The following SPATA6 variants were observed in gnomAD, a reference collection of about 807,000 sequenced individuals.
SPATA6 encodes spermatogenesis associated 6.
Under a neutral mutation model 65.3 loss-of-function variants are expected in SPATA6, and 56 were observed. The ratio of observed to expected loss-of-function variants is 0.86; its 90% CI spans 0.69 to 1.07. SPATA6 has a LOEUF of 1.07. Among genes scored for constraint, SPATA6 ranks in the 50% least tolerant of loss-of-function variants. The pLI, the probability that SPATA6 is intolerant of heterozygous loss-of-function variation, is 0.00. For missense variants in SPATA6, 590 were observed against 594.8 expected (o/e 0.99, Z 0.08); for synonymous variants, 199 against 213.2 (o/e 0.93, Z 0.58).
At chr1:48,356,434 T>C (rs1356563136) in intron 10 of SPATA6, among the ~76,000 whole-genome samples, 1 of 151,570 alleles carries the variant, frequency 6.6e-6, no homozygotes, top group Non-Finnish European at 1.5e-5. Flanking sequence ...TATTAATAAT[T>C]CCCTTATAAT....
At chr1:48,277,598 A>G in the SPATA6 span, among the ~76,000 whole-genome samples, 788 of 152,350 alleles carry the variant, frequency 5.2e-3, 19 homozygotes, top group South Asian at 0.05. Flanking sequence ...GTGTGAGATC[A>G]AACTGCAAGG....
chr1:48,401,673 C>T (rs760889703), intron 6 of SPATA6, among the ~76,000 whole-genome samples: 26 of 152,112 alleles, frequency 1.7e-4, no homozygotes, highest in Non-Finnish European at 3.1e-4. Context: ...AAGCTCATCA[C>T]TAGAAATTTA....
chr1:48,458,533 GC>G (rs1420327825), intron 1 of SPATA6, among the ~76,000 whole-genome samples: 5 of 152,032 alleles, frequency 3.3e-5, no homozygotes, highest in Non-Finnish European at 7.4e-5. Flanking sequence ...CTCATTTTTG[GC>G]TGTCTACTCT....
chr1:48,289,364 C>T, the SPATA6 span, among the ~76,000 whole-genome samples: 1 of 152,248 alleles, frequency 6.6e-6, no homozygotes, highest in East Asian at 1.9e-4. Flanking sequence ...CATCAAAGAC[C>T]AAAGGTAGAT....
intron 1 of SPATA6, 77 bp from the exon 2 acceptor site, chr1:48,453,208 T>C: frequency 7.0e-7 from 1 of 1,428,380 alleles, no homozygotes; most frequent in African/African-American, 1.5e-5. Context: ...ACTTATCAAA[T>C]ATTACATAAA....
chr1:48,299,204 CTGGT>C (rs1226706523), intron 12 of SPATA6, among the ~76,000 whole-genome samples: 1 of 151,936 alleles, frequency 6.6e-6, no homozygotes, highest in African/African-American at 2.4e-5. Flanking sequence ...TTATACTGGC[CTGGT>C]ATGGCCAGTA....
intron 11 of SPATA6, among the ~76,000 whole-genome samples, chr1:48,322,378 G>A (rs967299005): frequency 6.6e-6 from 1 of 152,202 alleles, no homozygotes; most frequent in East Asian, 1.9e-4. Flanking sequence ...GCAGAAAGAT[G>A]AAACTGGATC....
chr1:48,425,747 A>T (rs1653777202), intron 3 of SPATA6, among the ~76,000 whole-genome samples: 1 of 152,166 alleles, frequency 6.6e-6, no homozygotes, highest in African/African-American at 2.4e-5. Flanking sequence ...CGTATTGTTT[A>T]ATTAGAGATT....
chr1:48,417,039 A>C (rs1423404337), intron 3 of SPATA6, among the ~76,000 whole-genome samples: 1 of 152,190 alleles, frequency 6.6e-6, no homozygotes, highest in Non-Finnish European at 1.5e-5. Context: ...AAAGAGTAAG[A>C]CATACACTTC....
At chr1:48,372,970 G>C (rs1432960544) in intron 9 of SPATA6, among the ~76,000 whole-genome samples, 1 of 152,128 alleles carries the variant, frequency 6.6e-6, no homozygotes, top group African/African-American at 2.4e-5. Flanking sequence ...TTTCCCACTG[G>C]ACCTCTCGGC....
chr1:48,411,923 G>A (rs1018344616), intron 4 of SPATA6, among the ~76,000 whole-genome samples: 2 of 151,690 alleles, frequency 1.3e-5, no homozygotes, highest in Non-Finnish European at 2.9e-5. Context: ...GAGTGCAATG[G>A]TGCCATCTCA....
chr1:48,433,268 G>A (rs1435281305), intron 3 of SPATA6, among the ~76,000 whole-genome samples: 1 of 152,068 alleles, frequency 6.6e-6, no homozygotes, highest in East Asian at 1.9e-4. Flanking sequence ...TACTTAAAAT[G>A]ATTAAGATAG....
chr1:48,418,574 A>AAAAAAAAAAAC (rs1653010068), intron 3 of SPATA6, among the ~76,000 whole-genome samples: 1 of 146,306 alleles, frequency 6.8e-6, no homozygotes, highest in Non-Finnish European at 1.5e-5. Flanking sequence ...AAAAAAAAAA[A>AAAAAAAAAAAC]AAAATTAGCT....
chr1:48,309,430 A>C (rs1283568813), intron 11 of SPATA6, among the ~76,000 whole-genome samples: 1 of 152,104 alleles, frequency 6.6e-6, no homozygotes, highest in Non-Finnish European at 1.5e-5. Flanking sequence ...CATTTCAAAA[A>C]ATTTTCATTT....
At chr1:48,310,968 C>T (rs930507167) in intron 11 of SPATA6, among the ~76,000 whole-genome samples, 10 of 152,076 alleles carry the variant, frequency 6.6e-5, no homozygotes, top group Admixed American at 3.9e-4. Flanking sequence ...CAATATACTA[C>T]TAAATGATCA....
chr1:48,471,040 C>T (rs1370448556), intron 1 of SPATA6, among the ~76,000 whole-genome samples: 1 of 152,086 alleles, frequency 6.6e-6, no homozygotes, highest in Admixed American at 6.6e-5. Context: ...TTCCTCTAAA[C>T]AGGGGAATGA....
At chr1:48,292,681 T>C (rs1215388860), downstream of SPATA6, among the ~76,000 whole-genome samples, 4 of 152,250 alleles carry the variant, frequency 2.6e-5, no homozygotes, top group African/African-American at 9.6e-5. Context: ...CAGGCATATG[T>C]ACAGTGGTGA....
chr1:48,452,239 G>C (rs1040922895), intron 2 of SPATA6, among the ~76,000 whole-genome samples: 3 of 152,090 alleles, frequency 2.0e-5, no homozygotes, highest in Non-Finnish European at 4.4e-5. Flanking sequence ...CGGAAAAAGG[G>C]AAGGAAGGAA....
the SPATA6 span, among the ~76,000 whole-genome samples, chr1:48,265,979 GAGT>G: frequency 6.6e-6 from 1 of 152,156 alleles, no homozygotes; most frequent in African/African-American, 2.4e-5. Flanking sequence ...TATGCATGGT[GAGT>G]AGATTACTGC....
Sources: allele counts gnomAD v4.1 joint callset (sites outside exome capture counted in the v4.1 genomes callset), GRCh38; gene constraint gnomAD v4.1.1; transcripts MANE v1.5; gene names NCBI Gene and HGNC (gene_info 2026-07-23, HGNC 2026-07-21).